Variants in HS6ST2 observed in about 807,000 individuals in gnomAD.
HS6ST2 encodes the protein heparan sulfate 6-O-sulfotransferase 2, also known as heparan-sulfate 6-O-sulfotransferase 2.
A neutral mutation model predicts 33.0 loss-of-function variants in HS6ST2; 17 were observed. That is an observed-to-expected ratio of 0.52 (90% CI 0.35 to 0.77). The LOEUF (loss-of-function observed/expected upper bound fraction) is 0.77. Among genes scored for constraint, HS6ST2 ranks in the 30% least tolerant of loss-of-function variants. The probability of loss-of-function intolerance (pLI) is 0.01; values close to 1 mark genes in which losing one functional copy is unlikely to be tolerated. For missense variants in HS6ST2, 519 were observed against 551.7 expected (o/e 0.94, Z 0.59); for synonymous variants, 248 against 237.1 (o/e 1.05, Z -0.42).
intron 2 of HS6ST2, among the ~76,000 whole-genome samples, chrX:132,765,288 G>A (rs1231127666): frequency 8.9e-6 from 1 of 112,311 alleles, no homozygotes; most frequent in Non-Finnish European, 1.9e-5. Context: ...TCAAGGACAA[G>A]AGAACATTAG....
At chrX:132,650,739 G>A (rs1220070470) in intron 4 of HS6ST2, among the ~76,000 whole-genome samples, 1 of 29,119 alleles carries the variant, frequency 3.4e-5, no homozygotes, top group Non-Finnish European at 5.9e-5. Context: ...TCCATAGGAG[G>A]GATCTCTCTC....
chrX:132,740,633 G>A (rs1359182462), intron 2 of HS6ST2, among the ~76,000 whole-genome samples: 5 of 111,573 alleles, frequency 4.5e-5, no homozygotes, highest in Non-Finnish European at 9.4e-5. Flanking sequence ...TGAGGAATGG[G>A]TGGTGTTTGC....
chrX:132,850,731 T>TAC (rs111520127), intron 2 of HS6ST2, among the ~76,000 whole-genome samples: 11 of 106,013 alleles, frequency 1.0e-4, no homozygotes, highest in Non-Finnish European at 1.6e-4. Context: ...TTTCTACATC[T>TAC]ACACACACAC....
intron 2 of HS6ST2, among the ~76,000 whole-genome samples, chrX:132,774,408 A>G (rs1373543620): frequency 8.9e-6 from 1 of 112,263 alleles, no homozygotes; most frequent in Non-Finnish European, 1.9e-5. Flanking sequence ...TGCTTCTTGA[A>G]AAATTGCTCC....
At chrX:132,638,534 A>G (rs1416607212) in intron 4 of HS6ST2, among the ~76,000 whole-genome samples, 3 of 112,246 alleles carry the variant, frequency 2.7e-5, no homozygotes, top group African/African-American at 9.7e-5. Flanking sequence ...TTACCTAGTG[A>G]GAAGAGTGAG....
chrX:132,902,409 C>T (rs898790487), intron 2 of HS6ST2, among the ~76,000 whole-genome samples: 3 of 112,432 alleles, frequency 2.7e-5, no homozygotes, highest in Non-Finnish European at 5.6e-5. Context: ...GGCCAGATAA[C>T]ACTAATTAAT....
At chrX:132,894,817 T>G (rs1208797682) in intron 2 of HS6ST2, among the ~76,000 whole-genome samples, 3 of 112,147 alleles carry the variant, frequency 2.7e-5, no homozygotes, top group African/African-American at 9.7e-5. Context: ...ATTACAGGCA[T>G]GAGCCACTGA....
intron 3 of HS6ST2, among the ~76,000 whole-genome samples, chrX:132,706,523 G>C (rs758667029): frequency 2.7e-5 from 3 of 111,835 alleles, no homozygotes; most frequent in East Asian, 5.6e-4. Flanking sequence ...GGCTATTAAT[G>C]TTTTTGCTGT....
chrX:132,815,445 C>A (rs1342712957), intron 2 of HS6ST2, among the ~76,000 whole-genome samples: 1 of 111,776 alleles, frequency 8.9e-6, no homozygotes, highest in African/African-American at 3.2e-5. Flanking sequence ...TGAGGTCACA[C>A]AGCCTATAAA....
At chrX:132,730,348 AT>A (rs1195078375) in intron 2 of HS6ST2, among the ~76,000 whole-genome samples, 3 of 111,855 alleles carry the variant, frequency 2.7e-5, no homozygotes, top group Non-Finnish European at 5.6e-5. Flanking sequence ...TTGGCCTGTA[AT>A]GCTCCATGTT....
At chrX:132,925,912 T>C (rs1476587925) in intron 2 of HS6ST2, among the ~76,000 whole-genome samples, 3 of 111,716 alleles carry the variant, frequency 2.7e-5, no homozygotes, top group Non-Finnish European at 3.8e-5. Flanking sequence ...GCATTCTCCT[T>C]TTACAAATGA....
chrX:132,746,263 G>A (rs1374435563), intron 2 of HS6ST2, among the ~76,000 whole-genome samples: 1 of 111,482 alleles, frequency 9.0e-6, no homozygotes, highest in Non-Finnish European at 1.9e-5. Flanking sequence ...AGCACTTTGG[G>A]AGGCTGAGGC....
intron 2 of HS6ST2, among the ~76,000 whole-genome samples, chrX:132,859,497 A>C (rs754045799): frequency 3.6e-4 from 40 of 110,089 alleles, no homozygotes; most frequent in Non-Finnish European, 6.6e-4. Context: ...GAGGAACATT[A>C]GGACAAAATG....
At chrX:132,709,495 C>T (rs1030326371) in intron 2 of HS6ST2, among the ~76,000 whole-genome samples, 24 of 111,023 alleles carry the variant, frequency 2.2e-4, no homozygotes, top group Middle Eastern at 4.6e-3. Context: ...TATTATCAGT[C>T]TCTGGTGCGG....
At chrX:132,831,292 A>G (rs375926130) in intron 2 of HS6ST2, among the ~76,000 whole-genome samples, 2 of 111,563 alleles carry the variant, frequency 1.8e-5, no homozygotes, top group Non-Finnish European at 3.8e-5. Context: ...GAAGAATTCC[A>G]CTAACCAACT....
intron 3 of HS6ST2, among the ~76,000 whole-genome samples, chrX:132,708,250 G>A (rs2064201531): frequency 1.2e-5 from 1 of 85,149 alleles, no homozygotes; most frequent in South Asian, 8.1e-4. Flanking sequence ...AACTAAGTCA[G>A]CCTTCAGAAC....
At chrX:132,725,692 G>A (rs1455331105) in intron 2 of HS6ST2, among the ~76,000 whole-genome samples, 1 of 112,013 alleles carries the variant, frequency 8.9e-6, no homozygotes, top group Non-Finnish European at 1.9e-5. Flanking sequence ...ATCAGTATAT[G>A]GAAAAGATAT....
intron 2 of HS6ST2, among the ~76,000 whole-genome samples, chrX:132,942,910 G>A (rs186684254): frequency 3.6e-5 from 4 of 111,571 alleles, no homozygotes; most frequent in African/African-American, 9.7e-5. Flanking sequence ...TCTACAAGGG[G>A]GTAGAAATTA....
chrX:132,701,208 A>G (rs930654636), intron 3 of HS6ST2, among the ~76,000 whole-genome samples: 3 of 112,129 alleles, frequency 2.7e-5, no homozygotes, highest in African/African-American at 9.7e-5. Flanking sequence ...TCTCACCTGC[A>G]GAAAATAACA....
Sources: gnomAD v4.1 joint callset for allele counts (sites outside exome capture counted in the v4.1 genomes callset) on GRCh38, gnomAD v4.1.1 for gene constraint, MANE v1.5 for transcripts, NCBI Gene and HGNC (gene_info 2026-07-23, HGNC 2026-07-21) for gene names.